Variants in PLCG2 observed in about 807,000 individuals in gnomAD.
PLCG2 encodes the protein 1-phosphatidylinositol 4,5-bisphosphate phosphodiesterase gamma-2.
Under a neutral mutation model 175.6 loss-of-function variants are expected in PLCG2, and 69 were observed. The ratio of observed to expected loss-of-function variants is 0.39; its 90% confidence interval spans 0.32 to 0.48. PLCG2 has a LOEUF of 0.48. PLCG2 is among the 20% of genes least tolerant of loss of function. The pLI is 0.91. For synonymous variants in PLCG2, 827 were observed against 624.0 expected (o/e 1.33, Z -4.85); for missense variants, 1,798 against 1,650.9 (o/e 1.09, Z -1.54).
intron 12 of PLCG2, 74 bp downstream of exon 12, chr16:81,893,868 C>A (rs1382115382): frequency 2.2e-6 from 2 of 917,584 alleles, no homozygotes; most frequent in Non-Finnish European, 3.5e-6. Flanking sequence ...TCCATGTTTT[C>A]TTTCGAATTG....
intron 2 of PLCG2, among the ~76,000 whole-genome samples, chr16:81,812,539 T>A (rs1384224804): frequency 2.0e-5 from 3 of 152,224 alleles, no homozygotes; most frequent in African/African-American, 7.2e-5. Context: ...GGGGTTGTTT[T>A]TTCTTGTAAA....
At chr16:81,858,152 G>A in intron 3 of PLCG2, 111 bp from the exon 4 acceptor site, 1 of 789,794 alleles carries the variant, frequency 1.3e-6, no homozygotes, top group South Asian at 1.5e-5. Context: ...TGCAAAACTA[G>A]AAACCAGCAT....
intron 3 of PLCG2, among the ~76,000 whole-genome samples, chr16:81,857,315 C>A (rs146237377): frequency 2.6e-5 from 4 of 152,100 alleles, no homozygotes; most frequent in African/African-American, 9.7e-5. Flanking sequence ...AGTTGGACAC[C>A]TGGGTTTGAA....
At chr16:81,796,843 T>G (rs28639608) in intron 2 of PLCG2, among the ~76,000 whole-genome samples, 53,862 of 151,816 alleles carry the variant, frequency 0.35, 9,849 homozygotes, top group Middle Eastern at 0.44. Flanking sequence ...TCCAGAACTG[T>G]GAGACAAACT....
chr16:81,790,516 G>T (rs992182061), intron 2 of PLCG2, among the ~76,000 whole-genome samples: 1 of 152,182 alleles, frequency 6.6e-6, no homozygotes, highest in Non-Finnish European at 1.5e-5. Context: ...GAAGGGTGAC[G>T]TTTTATCTCA....
chr16:81,838,736 T>G (rs913507490), intron 2 of PLCG2, among the ~76,000 whole-genome samples: 3 of 150,836 alleles, frequency 2.0e-5, no homozygotes, highest in African/African-American at 7.3e-5. Flanking sequence ...GTAACAAACC[T>G]GCACGTTCCG....
intron 19 of PLCG2, among the ~76,000 whole-genome samples, chr16:81,916,408 T>C (rs1854403820): frequency 6.6e-6 from 1 of 152,186 alleles, no homozygotes; most frequent in Admixed American, 6.5e-5. Flanking sequence ...CCATGCAAAA[T>C]TGTTAAATGA....
rs35014411 is a variant in PLCG2 at position 81,805,783 on chromosome 16, G to GTTTTTTTTT, written c.193+19608_193+19616dup. Among the ~76,000 whole-genome samples the GTTTTTTTTT allele has an allele frequency of 5.0e-3, 417 of 82,774 alleles. 7 individuals are homozygous for GTTTTTTTTT. Among genetic ancestry groups the GTTTTTTTTT allele is most frequent in the Non-Finnish European group, 6.8e-3 (310 of 45,456 alleles). 54.3% of individuals were successfully genotyped at this position (82,774 alleles called of 152,430 possible). On this transcript the variant is annotated intron_variant, in intron 2 of 32. Coordinates refer to ENST00000564138, the MANE Select transcript of PLCG2 (RefSeq NM_002661.5). ...TTTTGTTTTGTTTTTTTTTTTTTTT[G>GTTTTTTTTT]TTTTTTTTTTTTTTTGCTGTTATTG...
intron 2 of PLCG2, among the ~76,000 whole-genome samples, chr16:81,763,433 A>C (rs572506514): frequency 1.2e-4 from 18 of 152,344 alleles, no homozygotes; most frequent in Non-Finnish European, 2.2e-4. Context: ...GGTGGATGCC[A>C]ACTTGGGCTG....
intron 2 of PLCG2, among the ~76,000 whole-genome samples, chr16:81,844,999 G>C (rs1160656255): frequency 3.3e-5 from 5 of 152,228 alleles, no homozygotes; most frequent in African/African-American, 1.2e-4. Context: ...TGTGATTACA[G>C]CTCATTGCAG....
intron 2 of PLCG2, among the ~76,000 whole-genome samples, chr16:81,767,300 A>T (rs1434419092): frequency 6.6e-6 from 1 of 152,138 alleles, no homozygotes; most frequent in East Asian, 1.9e-4. Flanking sequence ...GTCTGCCAAC[A>T]TGCCTGGCTA....
At chr16:81,809,565 A>G in intron 2 of PLCG2, among the ~76,000 whole-genome samples, 1 of 152,166 alleles carries the variant, frequency 6.6e-6, no homozygotes, top group East Asian at 1.9e-4. Context: ...TCCTTGCCTC[A>G]GAGTCTGTTT....
chr16:81,864,563 T>C (rs1037864302), intron 5 of PLCG2, among the ~76,000 whole-genome samples: 1 of 152,194 alleles, frequency 6.6e-6, no homozygotes, highest in Non-Finnish European at 1.5e-5. Context: ...AGTTTCCTCA[T>C]GTGTAAAAGA....
chr16:81,800,016 C>A (rs180925283), intron 2 of PLCG2, among the ~76,000 whole-genome samples: 4 of 152,158 alleles, frequency 2.6e-5, no homozygotes, highest in Admixed American at 1.3e-4. Flanking sequence ...GCCACTTATC[C>A]CATTTGTGGC....
chr16:81,772,179 T>C (rs1003812972), intron 2 of PLCG2, among the ~76,000 whole-genome samples: 3 of 152,112 alleles, frequency 2.0e-5, no homozygotes, highest in African/African-American at 7.2e-5. Context: ...ACTGGTGTTC[T>C]TACCAGAGAA....
upstream of PLCG2, chr16:81,779,204 C>G (rs1034498980): frequency 6.6e-6 from 1 of 152,006 alleles, no homozygotes; most frequent in Admixed American, 6.6e-5. Context: ...CGGCTGGGCG[C>G]GCCTGGGGCG....
intron 14 of PLCG2, 35 bp downstream of exon 14, chr16:81,900,815 G>A (rs771874912): frequency 1.3e-6 from 2 of 1,573,660 alleles, no homozygotes; most frequent in South Asian, 1.1e-5. Context: ...GGCTGTCCAG[G>A]GAGCCCAGTG....
intron 31 of PLCG2, among the ~76,000 whole-genome samples, chr16:81,953,744 T>A (rs1460475157): frequency 6.6e-6 from 1 of 152,188 alleles, no homozygotes; most frequent in African/African-American, 2.4e-5. Context: ...ACTGTTTCTA[T>A]CTTTTACGTT....
chr16:81,931,780 G>A, intron 25 of PLCG2, 126 bp downstream of exon 25: 1 of 762,936 alleles, frequency 1.3e-6, no homozygotes, highest in Non-Finnish European at 2.2e-6. Flanking sequence ...AATTCAGGAA[G>A]GAGACCAGGT....
Sources: gnomAD v4.1 joint callset for allele counts (sites outside exome capture counted in the v4.1 genomes callset) on GRCh38, gnomAD v4.1.1 for gene constraint, MANE v1.5 for transcripts, NCBI Gene and HGNC (gene_info 2026-07-23, HGNC 2026-07-21) for gene names.